ZNF799: variants seen among roughly 807,000 people sequenced by gnomAD.
ZNF799 encodes zinc finger protein 799, also known as zinc finger protein 14.
In ZNF799, 28 loss-of-function variants were observed where a neutral mutation model predicts 41.0. That is an observed-to-expected ratio of 0.68 (90% CI 0.51 to 0.94). The LOEUF (loss-of-function observed/expected upper bound fraction) is 0.94. Among genes scored for constraint, ZNF799 ranks in the 40% least tolerant of loss-of-function variants. ZNF799 has a pLI of 0.00. For missense variants in ZNF799, 716 were observed against 764.3 expected, an observed-to-expected ratio of 0.94 and a Z score of 0.74; for synonymous variants, 213 against 252.9, an observed-to-expected ratio of 0.84 and a Z score of 1.50.
chr19:12,393,013 T>G (rs559477055), intron 2 of ZNF799, among the ~76,000 whole-genome samples: 34 of 151,568 alleles, frequency 2.2e-4, no homozygotes, highest in African/African-American at 8.2e-4. Flanking sequence ...GTTTCTAGCT[T>G]ACTTTACTGT....
rs1969973340 is a variant in ZNF799, at chr19:12,400,969, G to A, written c.3+99C>T. The A allele has an allele frequency of 2.5e-6, 4 of 1,606,472 alleles. No homozygotes were observed. In the Admixed American group the frequency reaches 5.0e-5, roughly 20 times the overall value. ...AGGGGAACCCGGGTCCGTAGATCCC[G>A]GAGTAGCCCTTGGGGAGGCCCGGGT... On this transcript the variant is annotated intron_variant, in intron 1 of 3. Coordinates refer to ENST00000430385, the MANE Select transcript of ZNF799 (RefSeq NM_001080821.3).
At chr19:12,410,176 T>C in the ZNF799 span, among the ~76,000 whole-genome samples, 39 of 66,274 alleles carry the variant, frequency 5.9e-4, no homozygotes, top group Middle Eastern at 9.1e-3. Context: ...TATATATATA[T>C]ACATACATAC....
Position 12,391,254 on chromosome 19 carries a change from T to C in ZNF799, c.1144A>G (p.Arg382Gly), listed in dbSNP as rs758770060. Residue 382 changes from arginine (R) to glycine (G), a missense_variant, in exon 4 of 4, where the codon AGA (arginine) becomes GGA (glycine). This residue lies in a region of ZNF799 where 698 missense variants were observed against 713.6 expected (regional missense o/e 0.98). Transcript: ENST00000430385. The stretch of plus-strand genomic sequence containing the variant: ...TCTCCAGTGTGCATTGTCATGTGTC[T>C]TCGAAAGCTTGAGCTATGAGATAAC... Reference protein sequence around the residue: ...KALSHSSSFRRHMTMHTGDGP... With the variant: ...KALSHSSSFRGHMTMHTGDGP... 1.2e-6 allele frequency: 2 copies of C among 1,614,178 alleles called. No homozygotes were observed. The highest frequency in any genetic ancestry group is 2.2e-5 in the South Asian group (2 of 91,088).
chr19:12,396,558 A>G (rs1263217451), intron 1 of ZNF799, among the ~76,000 whole-genome samples: 2 of 152,246 alleles, frequency 1.3e-5, no homozygotes, highest in East Asian at 3.8e-4. Context: ...CTGAGGCAGA[A>G]GAATCGCTTG....
chr19:12,391,922 T>C lies in ZNF799; in HGVS notation c.476A>G (p.His159Arg). The C allele has an allele frequency of 3.1e-6, 5 of 1,614,224 alleles. No individual in the cohort carries two copies. Among genetic ancestry groups the C allele is most frequent in the Non-Finnish European group, 3.4e-6 (4 of 1,180,034 alleles). The change falls in exon 4 of 4, where the codon CAT becomes CGT. Residue 159 changes from histidine to arginine, a missense_variant. By Grantham distance (29) the His-to-Arg change is conservative. Coordinates refer to ENST00000430385, the MANE Select transcript of ZNF799 (RefSeq NM_001080821.3). The part of the protein sequence containing the change: ...AFSYHNSLQT[H>R]ERLHTGKKPY... Reference sequence around the variant, plus strand: ...TTTCTTTCCAGTGTGAAGCCTCTCATGTGTTTGAAGTGAGTTGTGGTAACT... The same window carrying C: ...TTTCTTTCCAGTGTGAAGCCTCTCACGTGTTTGAAGTGAGTTGTGGTAACT...
At chr19:12,406,757 G>C in the ZNF799 span, among the ~76,000 whole-genome samples, 1 of 151,750 alleles carries the variant, frequency 6.6e-6, no homozygotes, top group East Asian at 2.0e-4. Flanking sequence ...AAAATTAGCT[G>C]GACATGGTGG....
At chr19:12,397,328 G>A (rs1969909924) in intron 1 of ZNF799, among the ~76,000 whole-genome samples, 1 of 151,796 alleles carries the variant, frequency 6.6e-6, no homozygotes, top group African/African-American at 2.4e-5. Flanking sequence ...TGCAAGACAG[G>A]AGGACTGCTT....
At position 12,401,076 on chromosome 19, in the gene ZNF799, G is replaced by A; in HGVS notation, c.-6C>T. The A allele has an allele frequency of 6.2e-7, 1 of 1,613,926 alleles. No individual in the cohort carries two copies. Among genetic ancestry groups the A allele is most frequent in the Non-Finnish European group, 8.5e-7 (1 of 1,179,882 alleles). On this transcript the variant is annotated 5_prime_UTR_variant, in exon 1 of 4. Transcript: ENST00000430385. Reference sequence around the variant, plus strand: ...CGGCCCAGCACACGCACCATTTCCCGACTTCCGCGGTGTCCCAGGTCCTCC... The same window carrying A: ...CGGCCCAGCACACGCACCATTTCCCAACTTCCGCGGTGTCCCAGGTCCTCC...
the ZNF799 span, among the ~76,000 whole-genome samples, chr19:12,411,775 G>A: frequency 9.2e-5 from 14 of 151,810 alleles, no homozygotes; most frequent in Non-Finnish European, 1.6e-4. Context: ...ACCACACCCC[G>A]CTAATTTTTG....
intron 1 of ZNF799, among the ~76,000 whole-genome samples, chr19:12,397,445 G>A (rs1228794245): frequency 4.0e-5 from 6 of 150,900 alleles, no homozygotes; most frequent in Non-Finnish European, 7.4e-5. Flanking sequence ...TGCACCTGTA[G>A]TCCCAGCTAC....
upstream of ZNF799, among the ~76,000 whole-genome samples, chr19:12,402,956 G>A (rs937476911): frequency 3.9e-5 from 6 of 152,232 alleles, no homozygotes; most frequent in Non-Finnish European, 7.3e-5. Flanking sequence ...TGTAAAATAA[G>A]TTTGGAAGTA....
chr19:12,406,106 G>A (rs1375429192), upstream of ZNF799, among the ~76,000 whole-genome samples: 1 of 148,056 alleles, frequency 6.8e-6, no homozygotes, highest in East Asian at 2.0e-4. Flanking sequence ...GGAAGCGGAG[G>A]TTGCAGTGAG....
rs200836165 is a variant in ZNF799, at chr19:12,391,168, C to G, written c.1230G>C (p.Arg410Ser). The G allele has an allele frequency of 3.5e-5, 57 of 1,613,950 alleles. 2 individuals carry two copies. The South Asian group carries it at 5.1e-4, about 14-fold the overall frequency. ...TCTCTGCAGTGTGAGTCTTTTCATG[C>G]CTTTGAAATACACTGGGATAAACAA... is the stretch of plus-strand genomic sequence containing the variant. ...KAFVYPSVFQ[R>S]HEKTHTAEKP... Residue 410 changes from arginine to serine, a missense_variant, in exon 4 of 4, where the codon AGG becomes AGC. Physicochemically the swap from Arg to Ser is moderately radical, Grantham distance 110 (BLOSUM62 -1). Coordinates refer to ENST00000430385, the MANE Select transcript of ZNF799 (RefSeq NM_001080821.3).
chr19:12,410,328 A>C, the ZNF799 span, among the ~76,000 whole-genome samples: 4 of 147,482 alleles, frequency 2.7e-5, no homozygotes, highest in African/African-American at 7.5e-5. Context: ...CATAGAGATG[A>C]GATCTATATT....
At chr19:12,408,989 C>T in the ZNF799 span, among the ~76,000 whole-genome samples, 1 of 151,746 alleles carries the variant, frequency 6.6e-6, no homozygotes, top group African/African-American at 2.4e-5. Context: ...GAGCCGAGAT[C>T]GCGCCATTGC....
chr19:12,393,286 G>A lies in ZNF799; in HGVS notation c.130+11C>T, dbSNP rs775570848. 1.8e-4 allele frequency: 169 copies of A among 942,590 alleles called. No homozygotes were observed. Among genetic ancestry groups the A allele is most frequent in the Admixed American group, 7.4e-4 (34 of 46,048 alleles). The allele number at this position is 942,590 out of a possible 1,614,324, so 58.4% of individuals were successfully genotyped here. On this transcript the variant is annotated intron_variant, in intron 2 of 3. Transcript: ENST00000430385. ...CCAATTAAATAAGTGGAAATGCGAT[G>A]TCATCCTTACCTACACAATCCAGGT...
chr19:12,390,309 T>G lies in ZNF799; in HGVS notation c.*157A>C. On this transcript the variant is annotated 3_prime_UTR_variant, in exon 4 of 4. Coordinates refer to ENST00000430385, the MANE Select transcript of ZNF799 (RefSeq NM_001080821.3). The stretch of plus-strand genomic sequence containing the variant: ...TGCTGGAACCAATACCCAGCAGGTA[T>G]CAAGGGATGACTGTACTGGAAAGAA... The G allele has an allele frequency of 2.2e-6, 3 of 1,380,520 alleles. No homozygotes were observed. The highest frequency in any genetic ancestry group is 2.9e-6 in the Non-Finnish European group (3 of 1,020,122). The allele number at this position is 1,380,520 out of a possible 1,614,324, so 85.5% of individuals were successfully genotyped here. A position where few individuals can be genotyped will look rare whatever the true frequency, so the allele number is the denominator to read the frequency against.
Position 12,394,845 on chromosome 19 carries a change from C to T in ZNF799, c.4-1422G>A, listed in dbSNP as rs13339741. ...TGAAAGCCTTCTCACCAAGAAAGTG[C>T]AGCATTCCAAAAACAAATAAAGGAT... On this transcript the variant is annotated intron_variant, in intron 1 of 3. Transcript: ENST00000430385. 5,789 of 985,168 alleles carry T rather than the reference C, an allele frequency of 5.9e-3. 262 individuals carry two copies. The African/African-American group carries it at 0.093, about 16-fold the overall frequency. 61.0% of individuals were successfully genotyped at this position (985,168 alleles called of 1,614,324 possible). A position where few individuals can be genotyped will look rare whatever the true frequency, so the allele number is the denominator to read the frequency against.
upstream of ZNF799, among the ~76,000 whole-genome samples, chr19:12,405,100 C>A (rs181599539): frequency 1.9e-3 from 292 of 152,280 alleles, no homozygotes; most frequent in Non-Finnish European, 3.1e-3. Context: ...TGCCCTCGAA[C>A]ATCAGACTCC....
Sources: gnomAD v4.1 joint callset for allele counts (sites outside exome capture counted in the v4.1 genomes callset) on GRCh38, gnomAD v4.1.1 for gene constraint, gnomAD v4.1.1 regional missense constraint, MANE v1.5 for transcripts, NCBI Gene and HGNC (gene_info 2026-07-23, HGNC 2026-07-21) for gene names.